PSMB1: variants seen among roughly 807,000 people sequenced by gnomAD.
PSMB1 encodes proteasome subunit beta type-1.
Under a neutral mutation model 25.4 loss-of-function variants are expected in PSMB1, and 7 were observed. That is an observed-to-expected ratio of 0.28 (90% CI 0.16 to 0.52). PSMB1 has a LOEUF of 0.52. Ranked by LOEUF, PSMB1 falls within the 20% of genes least tolerant of loss-of-function variation. The probability of loss-of-function intolerance (pLI) is 0.97; values close to 1 mark genes in which losing one functional copy is unlikely to be tolerated. For synonymous variants in PSMB1, 119 were observed against 115.0 expected (o/e 1.03, Z -0.22); for missense variants, 284 against 302.2 (o/e 0.94, Z 0.45).
At chr6:170,537,971 G>T (rs569525385) in intron 4 of PSMB1, among the ~76,000 whole-genome samples, 2 of 152,170 alleles carry the variant, frequency 1.3e-5, no homozygotes, top group Non-Finnish European at 2.9e-5. Context: ...GGACACATCC[G>T]CAAGACACAG....
At position 170,535,234 on chromosome 6, in the gene PSMB1, A is replaced by C; in HGVS notation, c.712T>G (p.Leu238Val). 1 of 1,614,092 alleles carries C rather than the reference A, an allele frequency of 6.2e-7. No homozygotes were observed. The highest frequency in any genetic ancestry group is 8.5e-7 in the Non-Finnish European group (1 of 1,179,980). The change falls in exon 6 of 6, where the codon TTA becomes GTA. Residue 238 changes from leucine (L) to valine (V), a missense_variant. By Grantham distance (32) the Leu-to-Val change is conservative. Coordinates refer to ENST00000262193, the MANE Select transcript of PSMB1 (RefSeq NM_002793.4). The part of the protein sequence containing the change: ...KEGIREETVS[L>V]RKD ...GAGCACACAGATCAGTCCTTCCTTAAGGAAACAGTTTCCTCCCTGATGCCC... is the reference window on the plus strand; with the variant it reads ...GAGCACACAGATCAGTCCTTCCTTACGGAAACAGTTTCCTCCCTGATGCCC...
chr6:170,549,515 T>C (rs935447726), intron 1 of PSMB1: 1 of 157,200 alleles, frequency 6.4e-6, no homozygotes, highest in Non-Finnish European at 1.4e-5. Context: ...GATTTTTTTT[T>C]CTTGCTTCAT....
chr6:170,536,564 A>G (rs1778696326), intron 5 of PSMB1: 1 of 447,104 alleles, frequency 2.2e-6, no homozygotes, highest in Admixed American at 2.5e-5. Context: ...TTCTCCTTGT[A>G]AACAGATGAT....
intron 4 of PSMB1, among the ~76,000 whole-genome samples, chr6:170,538,800 G>C: frequency 6.6e-6 from 1 of 152,198 alleles, no homozygotes; most frequent in East Asian, 1.9e-4. Flanking sequence ...AAGCAAGCTT[G>C]GGACAAGACA....
At chr6:170,541,075 T>G (rs1267644346) in intron 4 of PSMB1, among the ~76,000 whole-genome samples, 1 of 151,996 alleles carries the variant, frequency 6.6e-6, no homozygotes, top group Non-Finnish European at 1.5e-5. Context: ...TCCCGTTTTG[T>G]TTTTTTCAGA....
chr6:170,538,225 C>T (rs1300273802), intron 4 of PSMB1, among the ~76,000 whole-genome samples: 5 of 152,142 alleles, frequency 3.3e-5, no homozygotes, highest in South Asian at 2.1e-4. Context: ...TAAAAACAAC[C>T]GTGTTCTGGG....
At chr6:170,547,376 A>T in intron 2 of PSMB1, among the ~76,000 whole-genome samples, 1 of 152,262 alleles carries the variant, frequency 6.6e-6, no homozygotes, top group East Asian at 1.9e-4. Flanking sequence ...TAGACATACA[A>T]ATTCAACCGT....
intron 3 of PSMB1, among the ~76,000 whole-genome samples, chr6:170,545,490 C>T (rs1742848225): frequency 6.6e-6 from 1 of 152,136 alleles, no homozygotes; most frequent in African/African-American, 2.4e-5. Context: ...ATACTATATA[C>T]TCCAGTAACC....
At chr6:170,543,970 A>T (rs1778786281) in intron 3 of PSMB1, among the ~76,000 whole-genome samples, 1 of 152,184 alleles carries the variant, frequency 6.6e-6, no homozygotes, top group Non-Finnish European at 1.5e-5. Context: ...TATCTCAGGT[A>T]CTGCTAATCC....
chr6:170,542,365 C>G (rs967157751), intron 4 of PSMB1, among the ~76,000 whole-genome samples: 6 of 152,104 alleles, frequency 3.9e-5, no homozygotes, highest in Non-Finnish European at 7.4e-5. Context: ...TTTTCCCTCA[C>G]AGGATTTAGG....
chr6:170,542,044 T>G (rs1296602669), intron 4 of PSMB1, among the ~76,000 whole-genome samples: 1 of 152,240 alleles, frequency 6.6e-6, no homozygotes, highest in Non-Finnish European at 1.5e-5. Context: ...CAAATTAATT[T>G]GTAGCTAGAC....
intron 3 of PSMB1, among the ~76,000 whole-genome samples, chr6:170,543,979 C>A (rs1427704338): frequency 6.6e-6 from 1 of 152,138 alleles, no homozygotes; most frequent in Non-Finnish European, 1.5e-5. Context: ...TACTGCTAAT[C>A]CAAGAGCTAA....
chr6:170,540,728 A>AT (rs1163931407), intron 4 of PSMB1, among the ~76,000 whole-genome samples: 3 of 151,962 alleles, frequency 2.0e-5, no homozygotes, highest in African/African-American at 7.2e-5. Context: ...AGTAAACAGG[A>AT]TTTTTTTTAA....
chr6:170,535,253 G>T lies in PSMB1; in HGVS notation c.693C>A (p.Ile231=), dbSNP rs748363440. The change falls in exon 6 of 6, where the codon ATC becomes ATA. Residue 231 remains isoleucine (I), a synonymous_variant. Transcript: ENST00000262193. ...TCCTTAAGGAAACAGTTTCCTCCCT[G>T]ATGCCCTCTTTGGTCACTATGCAGA... ...LRICIVTKEG[I]REETVSLRKD 13 of 1,614,140 alleles carry T rather than the reference G, an allele frequency of 8.1e-6. No individual in the cohort carries two copies. The East Asian group carries it at 2.9e-4, about 36-fold the overall frequency.
At chr6:170,536,632 TTTC>T (rs1778697588) in intron 5 of PSMB1, 2 of 360,314 alleles carry the variant, frequency 5.6e-6, no homozygotes, top group Non-Finnish European at 1.1e-5. Flanking sequence ...TTCCTATAAT[TTTC>T]TTAATAACAT....
chr6:170,546,003 ACT>A, intron 3 of PSMB1, 98 bp downstream of exon 3: 3 of 944,964 alleles, frequency 3.2e-6, no homozygotes, highest in Non-Finnish European at 4.9e-6. Flanking sequence ...TAACCTAGTG[ACT>A]CTCTAGCTAT....
intron 5 of PSMB1, 123 bp downstream of exon 5, chr6:170,537,111 T>C (rs951218381): frequency 8.4e-6 from 6 of 714,084 alleles, no homozygotes; most frequent in African/African-American, 1.8e-5. Context: ...CAGTAATTTA[T>C]AAGAAAGTCT....
intron 2 of PSMB1, among the ~76,000 whole-genome samples, chr6:170,548,550 ATGGATTAATGG>A (rs1484756992): frequency 1.3e-5 from 2 of 152,208 alleles, no homozygotes; most frequent in African/African-American, 2.4e-5. Flanking sequence ...ATATCATTTA[ATGGATTAATGG>A]TGCTGTGGTT....
At chr6:170,546,020 C>T in intron 3 of PSMB1, 83 bp downstream of exon 3, 10 of 1,210,010 alleles carry the variant, frequency 8.3e-6, no homozygotes, top group Non-Finnish European at 1.1e-5. Flanking sequence ...AGCTATCTGA[C>T]CAACAGTCAT....
Sources: gnomAD v4.1 joint callset for allele counts (sites outside exome capture counted in the v4.1 genomes callset) on GRCh38, gnomAD v4.1.1 for gene constraint, MANE v1.5 for transcripts, NCBI Gene and HGNC (gene_info 2026-07-23, HGNC 2026-07-21) for gene names.